Variants in ARL6 observed in about 807,000 individuals in gnomAD.
The protein encoded by ARL6 is ADP-ribosylation factor-like protein 6.
ARL6 carries 18 observed loss-of-function variants against 27.1 expected under a neutral mutation model. The observed-to-expected ratio is 0.66, with a 90% confidence interval of 0.46 to 0.98. The LOEUF (loss-of-function observed/expected upper bound fraction) is 0.98. Ranked by LOEUF, ARL6 falls within the 50% of genes least tolerant of loss-of-function variation. ARL6 has a pLI of 0.00. For synonymous variants in ARL6, 65 were observed against 72.3 expected (o/e 0.90, Z 0.51); for missense variants, 187 against 214.9 (o/e 0.87, Z 0.81).
At chr3:97,792,316 C>G (rs1440487055) in intron 7 of ARL6, among the ~76,000 whole-genome samples, 1 of 152,092 alleles carries the variant, frequency 6.6e-6, no homozygotes, top group Non-Finnish European at 1.5e-5. Context: ...AACCCTGTCT[C>G]TACTAAAAAT....
rs1002357303 is a variant in ARL6, at chr3:97,794,883, C to A, written c.535+3057C>A. Among the ~76,000 whole-genome samples the A allele has an allele frequency of 2.0e-5, 3 of 152,038 alleles. No homozygotes were observed. The South Asian group carries it at 6.2e-4, about 32-fold the overall frequency. On this transcript the variant is annotated intron_variant, in intron 7 of 7. Coordinates refer to ENST00000463745, the MANE Select transcript of ARL6 (RefSeq NM_001278293.3). ...GACAGATCACTTGAGGACAGGAGTT[C>A]GATACCAGCCTAGCCAACTATAGTG...
At chr3:97,793,371 T>C (rs2037838528) in intron 7 of ARL6, 1 of 152,194 alleles carries the variant, frequency 6.6e-6, no homozygotes, top group South Asian at 2.1e-4. Context: ...AGAAACAGGC[T>C]ACAGAGGAAT....
At chr3:97,792,430 C>A (rs1176906579) in intron 7 of ARL6, among the ~76,000 whole-genome samples, 1 of 152,076 alleles carries the variant, frequency 6.6e-6, no homozygotes, top group Non-Finnish European at 1.5e-5. Flanking sequence ...TTGCAGTGAG[C>A]CGAGATTGCG....
At chr3:97,785,347 A>G (rs1355694783) in intron 5 of ARL6, among the ~76,000 whole-genome samples, 1 of 151,082 alleles carries the variant, frequency 6.6e-6, no homozygotes, top group Non-Finnish European at 1.5e-5. Flanking sequence ...AAAAAAAAAA[A>G]AAAATCAGAT....
At chr3:97,786,316 C>T (rs1177244156) in intron 5 of ARL6, among the ~76,000 whole-genome samples, 3 of 151,150 alleles carry the variant, frequency 2.0e-5, no homozygotes, top group East Asian at 3.9e-4. Flanking sequence ...CTGAGGGCAA[C>T]GGAGGAGACT....
At chr3:97,766,926 A>G (rs570878211) in intron 1 of ARL6, among the ~76,000 whole-genome samples, 10 of 152,248 alleles carry the variant, frequency 6.6e-5, no homozygotes, top group African/African-American at 2.4e-4. Flanking sequence ...CTTCTACCAC[A>G]AAGTAATGGT....
chr3:97,776,545 T>A (rs1426707842), intron 2 of ARL6, among the ~76,000 whole-genome samples: 6 of 152,192 alleles, frequency 3.9e-5, no homozygotes, highest in African/African-American at 1.4e-4. Context: ...TTACTTGTGC[T>A]AATCTTAGTA....
chr3:97,798,348 T>A lies in ARL6; in HGVS notation c.*299T>A. On this transcript the variant is annotated 3_prime_UTR_variant, in exon 8 of 8. Transcript: ENST00000463745. The stretch of plus-strand genomic sequence containing the variant: ...AGTTATAAGCCATCTCATCCCATCA[T>A]AATTTATGATATGTTTAATATATTT... The A allele has an allele frequency of 4.1e-6, 1 of 246,338 alleles. No individual in the cohort carries two copies. Among genetic ancestry groups the A allele is most frequent in the Admixed American group, 5.1e-5 (1 of 19,762 alleles). The allele number at this position is 246,338 out of a possible 1,614,324, so 15.3% of individuals were successfully genotyped here.
intron 2 of ARL6, among the ~76,000 whole-genome samples, chr3:97,769,142 G>C (rs1396884800): frequency 6.6e-6 from 1 of 152,022 alleles, no homozygotes; most frequent in Non-Finnish European, 1.5e-5. Context: ...TCTCATTTTT[G>C]TGGATAAAAT....
intron 2 of ARL6, among the ~76,000 whole-genome samples, chr3:97,778,400 A>G (rs531996389): frequency 6.6e-6 from 1 of 152,324 alleles, no homozygotes; most frequent in Non-Finnish European, 1.5e-5. Context: ...CCTTTCTACT[A>G]GTGCATTACC....
chr3:97,790,303 G>T (rs1390170896), intron 6 of ARL6, among the ~76,000 whole-genome samples: 1 of 152,014 alleles, frequency 6.6e-6, no homozygotes, highest in Non-Finnish European at 1.5e-5. Flanking sequence ...AGATAGAGAG[G>T]CCAGCAAGAA....
intron 7 of ARL6, among the ~76,000 whole-genome samples, chr3:97,793,778 T>C (rs2037857821): frequency 6.6e-6 from 1 of 152,140 alleles, no homozygotes; most frequent in African/African-American, 2.4e-5. Context: ...TGTTTTTCCA[T>C]ATTACTTTAT....
intron 2 of ARL6, among the ~76,000 whole-genome samples, chr3:97,770,852 C>A (rs566243308): frequency 6.6e-6 from 1 of 151,956 alleles, no homozygotes; most frequent in East Asian, 1.9e-4. Context: ...TTATTTCTGG[C>A]TTCTCTGTTC....
At chr3:97,790,465 C>T (rs559636554) in intron 6 of ARL6, among the ~76,000 whole-genome samples, 21 of 151,822 alleles carry the variant, frequency 1.4e-4, no homozygotes, top group Non-Finnish European at 2.9e-4. Flanking sequence ...CCAAGATTTT[C>T]GCTTTATTCT....
chr3:97,774,088 G>T (rs1185832315), intron 2 of ARL6, among the ~76,000 whole-genome samples: 2 of 152,188 alleles, frequency 1.3e-5, no homozygotes, highest in Non-Finnish European at 2.9e-5. Flanking sequence ...CCGTTGTGGA[G>T]TGATAGTCTG....
chr3:97,797,863 C>T (rs1247913272), intron 7 of ARL6, among the ~76,000 whole-genome samples, 161 bp from the exon 8 acceptor site: 1 of 152,038 alleles, frequency 6.6e-6, no homozygotes, highest in Non-Finnish European at 1.5e-5. Context: ...TCCAGTACAG[C>T]CTGGGCCACA....
intron 6 of ARL6, among the ~76,000 whole-genome samples, chr3:97,788,760 A>G (rs1260595805): frequency 6.6e-6 from 1 of 152,192 alleles, no homozygotes; most frequent in Middle Eastern, 3.2e-3. Flanking sequence ...ATTGTTATGC[A>G]TTGTTTGTTT....
At chr3:97,796,246 C>G (rs189106442) in intron 7 of ARL6, among the ~76,000 whole-genome samples, 87 of 151,668 alleles carry the variant, frequency 5.7e-4, no homozygotes, top group African/African-American at 1.9e-3. Context: ...GAGAACATTT[C>G]AAAAAACTGT....
intron 1 of ARL6, among the ~76,000 whole-genome samples, chr3:97,767,665 C>T (rs2036448468): frequency 6.6e-6 from 1 of 152,118 alleles, no homozygotes; most frequent in Non-Finnish European, 1.5e-5. Flanking sequence ...TCAGATCTGC[C>T]TTCTACTTTC....
Sources: allele counts gnomAD v4.1 joint callset (sites outside exome capture counted in the v4.1 genomes callset), GRCh38; gene constraint gnomAD v4.1.1; transcripts MANE v1.5; gene names NCBI Gene and HGNC (gene_info 2026-07-23, HGNC 2026-07-21).